QTGAL: variants seen among roughly 807,000 people sequenced by gnomAD.
QTGAL encodes BGnT-like protein 1.
At chr17:83,050,574 AAAAC>A in the QTGAL span, among the ~76,000 whole-genome samples, 1 of 152,206 alleles carries the variant, frequency 6.6e-6, no homozygotes, top group African/African-American at 2.4e-5. Context: ...GGCTGGAAAA[AAAAC>A]AAACAAAAAA....
chr17:82,961,028 C>A, the QTGAL span: 6 of 1,593,668 alleles, frequency 3.8e-6, no homozygotes, highest in Non-Finnish European at 5.1e-6. Flanking sequence ...GCCTCTCAGG[C>A]GTCCCGGGGC....
chr17:83,034,930 C>G, the QTGAL span: 1 of 926,946 alleles, frequency 1.1e-6, no homozygotes, highest in Non-Finnish European at 1.7e-6. Flanking sequence ...GTCTAATAAC[C>G]ATTAGAAAAA....
chr17:82,977,196 G>A, the QTGAL span, among the ~76,000 whole-genome samples: 10 of 152,370 alleles, frequency 6.6e-5, no homozygotes, highest in African/African-American at 1.7e-4. Flanking sequence ...ACCCATGAAC[G>A]GAGGCCCGAA....
the QTGAL span, among the ~76,000 whole-genome samples, chr17:83,000,757 G>A: frequency 3.3e-5 from 5 of 152,214 alleles, no homozygotes; most frequent in African/African-American, 9.7e-5. Flanking sequence ...CCAAGTGTAC[G>A]TAGGCTGTGC....
chr17:82,969,134 GAAAAA>G, the QTGAL span, among the ~76,000 whole-genome samples: 1 of 141,730 alleles, frequency 7.1e-6, no homozygotes, highest in African/African-American at 2.7e-5. Context: ...TCCATTTCAG[GAAAAA>G]AAAAAAAAAA....
chr17:82,957,419 CCA>C, the QTGAL span: 5 of 1,612,828 alleles, frequency 3.1e-6, no homozygotes, highest in Non-Finnish European at 4.2e-6. Flanking sequence ...TGCCAGCGTT[CCA>C]GATGGTGAAG....
At chr17:82,983,282 A>AAT in the QTGAL span, among the ~76,000 whole-genome samples, 1 of 152,176 alleles carries the variant, frequency 6.6e-6, no homozygotes, top group Non-Finnish European at 1.5e-5. Flanking sequence ...TCCATCTCAA[A>AAT]ATATATATAT....
chr17:83,044,405 G>A, the QTGAL span, among the ~76,000 whole-genome samples: 1,988 of 152,182 alleles, frequency 0.013, 47 homozygotes, highest in African/African-American at 0.046. Context: ...TCTCAAATTG[G>A]TGTCAAAAAG....
At chr17:83,045,662 GA>G in the QTGAL span, among the ~76,000 whole-genome samples, 5 of 152,000 alleles carry the variant, frequency 3.3e-5, no homozygotes, top group African/African-American at 4.8e-5. Context: ...CAAAGAACGG[GA>G]AAAAAATTGC....
the QTGAL span, among the ~76,000 whole-genome samples, chr17:83,012,305 C>T: frequency 3.9e-5 from 6 of 151,966 alleles, no homozygotes; most frequent in East Asian, 1.9e-4. Flanking sequence ...TCTCCCAGCT[C>T]GTTTGAACAC....
At chr17:82,943,247 G>C in the QTGAL span, 1 of 152,314 alleles carries the variant, frequency 6.6e-6, no homozygotes, top group Non-Finnish European at 1.5e-5. Context: ...CAAAGGGCAG[G>C]AGGCTACCTT....
At chr17:83,038,580 C>T in the QTGAL span, among the ~76,000 whole-genome samples, 35 of 152,136 alleles carry the variant, frequency 2.3e-4, no homozygotes, top group African/African-American at 6.0e-4. Context: ...AATATTAGGC[C>T]GGGCGCAGTG....
chr17:82,964,041 T>A, the QTGAL span, among the ~76,000 whole-genome samples: 1 of 134,660 alleles, frequency 7.4e-6, no homozygotes, highest in Non-Finnish European at 1.6e-5. Context: ...GGGGGTGGAT[T>A]GCTTGAGCCC....
chr17:83,029,090 A>T, the QTGAL span, among the ~76,000 whole-genome samples: 3 of 152,206 alleles, frequency 2.0e-5, no homozygotes, highest in Admixed American at 2.0e-4. Flanking sequence ...GGGAGCATGC[A>T]GGCCGTTCCG....
the QTGAL span, chr17:83,048,463 T>A: frequency 1.3e-6 from 2 of 1,596,046 alleles, no homozygotes; most frequent in Non-Finnish European, 8.6e-7. Context: ...CTAAGCATGT[T>A]TACTTACCGC....
At chr17:83,033,146 A>C in the QTGAL span, among the ~76,000 whole-genome samples, 1 of 152,226 alleles carries the variant, frequency 6.6e-6, no homozygotes, top group African/African-American at 2.4e-5. Flanking sequence ...GTAATTTTTA[A>C]ATATCTATAG....
the QTGAL span, among the ~76,000 whole-genome samples, chr17:83,013,080 G>C: frequency 6.8e-4 from 103 of 152,288 alleles, no homozygotes; most frequent in Non-Finnish European, 1.2e-3. Context: ...GAAACATTCA[G>C]ACATATTTGC....
At chr17:83,011,784 G>A in the QTGAL span, among the ~76,000 whole-genome samples, 1 of 152,162 alleles carries the variant, frequency 6.6e-6, no homozygotes, top group Non-Finnish European at 1.5e-5. Flanking sequence ...TAAAATCATC[G>A]ATGAAAATGG....
the QTGAL span, among the ~76,000 whole-genome samples, chr17:83,038,581 G>T: frequency 6.6e-6 from 1 of 152,136 alleles, no homozygotes; most frequent in Non-Finnish European, 1.5e-5. Context: ...ATATTAGGCC[G>T]GGCGCAGTGT....
Sources: allele counts gnomAD v4.1 joint callset (sites outside exome capture counted in the v4.1 genomes callset), GRCh38; gene constraint gnomAD v4.1.1; transcripts MANE v1.5; gene names NCBI Gene and HGNC (gene_info 2026-07-23, HGNC 2026-07-21).